C12orf60: variants seen among roughly 807,000 people sequenced by gnomAD.
The protein encoded by C12orf60 is chromosome 12 open reading frame 60.
For missense variants in C12orf60, 284 were observed against 283.2 expected (o/e 1.00, Z -0.02); for synonymous variants, 102 against 94.6 (o/e 1.08, Z -0.45).
intron 1 of C12orf60, chr12:14,804,757 A>G (rs1950022193): frequency 6.6e-6 from 1 of 152,244 alleles, no homozygotes; most frequent in Non-Finnish European, 1.5e-5. Flanking sequence ...CAAGAAGAGA[A>G]AGAGAAAACA....
At chr12:14,819,731 T>C (rs1950276126) in intron 1 of C12orf60, among the ~76,000 whole-genome samples, 1 of 152,132 alleles carries the variant, frequency 6.6e-6, no homozygotes, top group Middle Eastern at 3.2e-3. Context: ...TATTTAAAAA[T>C]GCCTTTTCTG....
chr12:14,804,637 ATAATCT>A (rs1235064306), intron 1 of C12orf60: 3 of 152,230 alleles, frequency 2.0e-5, no homozygotes, highest in Admixed American at 2.0e-4. Flanking sequence ...AAAAAAGAAA[ATAATCT>A]TGAACTGCGA....
chr12:14,811,421 T>G (rs1451661736), intron 1 of C12orf60, among the ~76,000 whole-genome samples: 2 of 152,110 alleles, frequency 1.3e-5, no homozygotes, highest in African/African-American at 4.8e-5. Context: ...GATGAGAGAG[T>G]TCTGTTGCTA....
chr12:14,815,167 G>T (rs1448203868), intron 1 of C12orf60, among the ~76,000 whole-genome samples: 1 of 152,148 alleles, frequency 6.6e-6, no homozygotes, highest in East Asian at 1.9e-4. Flanking sequence ...CAGACAGGCA[G>T]ACAGGAAACT....
chr12:14,819,895 G>A (rs568558909), intron 1 of C12orf60, among the ~76,000 whole-genome samples: 2 of 152,104 alleles, frequency 1.3e-5, no homozygotes, highest in Admixed American at 6.5e-5. Flanking sequence ...TATAAAATGA[G>A]TTGAGAGGTA....
chr12:14,819,785 T>G (rs1950277539), intron 1 of C12orf60, among the ~76,000 whole-genome samples: 1 of 152,138 alleles, frequency 6.6e-6, no homozygotes, highest in Non-Finnish European at 1.5e-5. Flanking sequence ...TTAGTTTGAT[T>G]TTTTAATGTT....
chr12:14,820,475 C>A (rs1380613590), intron 1 of C12orf60, among the ~76,000 whole-genome samples: 1 of 151,934 alleles, frequency 6.6e-6, no homozygotes, highest in Non-Finnish European at 1.5e-5. Context: ...AACACTTAAT[C>A]TACAGATTTC....
rs535075593 is a variant in C12orf60, at chr12:14,816,656, GACATTGTAATGACTA to G, written c.-24-6254_-24-6240del. On this transcript the variant is annotated intron_variant, in intron 1 of 1. Coordinates refer to ENST00000330828, the MANE Select transcript of C12orf60 (RefSeq NM_175874.4). ...AAATTGCTTTTCTAGCATTGTCAAT[GACATTGTAATGACTA>G]AACATAAGAAATAATTTACAGTGTT... Among the ~76,000 whole-genome samples the G allele has an allele frequency of 3.2e-3, 492 of 152,030 alleles. 4 individuals are homozygous for G. Among genetic ancestry groups the G allele is most frequent in the Non-Finnish European group, 4.9e-3 (330 of 67,986 alleles).
Position 14,823,711 on chromosome 12 carries a change from C to G in C12orf60, c.*38C>G, listed in dbSNP as rs1208805385. The stretch of plus-strand genomic sequence containing the variant: ...AATGTTCATTTCTGTCAGAAAACTA[C>G]TTAAAATCTTATGGTTTTTCATAGT... On this transcript the variant is annotated 3_prime_UTR_variant, in exon 2 of 2. Coordinates refer to ENST00000330828, the MANE Select transcript of C12orf60 (RefSeq NM_175874.4). 2.0e-6 allele frequency: 3 copies of G among 1,499,280 alleles called. No individual in the cohort carries two copies. The highest frequency in any genetic ancestry group is 1.9e-4 in the Middle Eastern group (1 of 5,216). The allele number at this position is 1,499,280 out of a possible 1,614,324, so 92.9% of individuals were successfully genotyped here.
intron 1 of C12orf60, among the ~76,000 whole-genome samples, chr12:14,822,029 G>A (rs1253853988): frequency 6.9e-6 from 1 of 145,622 alleles, no homozygotes; most frequent in African/African-American, 2.6e-5. Flanking sequence ...AGTAGGGGAT[G>A]GGGGTGGGTG....
intron 1 of C12orf60, among the ~76,000 whole-genome samples, 186 bp from the exon 2 acceptor site, chr12:14,822,726 A>T (rs1037842368): frequency 2.0e-5 from 3 of 152,076 alleles, no homozygotes; most frequent in African/African-American, 7.2e-5. Flanking sequence ...ACCCTATTCT[A>T]CCCTGTTTTA....
In C12orf60 at chr12:14,823,206, G is replaced by A; in HGVS notation, c.271G>A (p.Ala91Thr). The change falls in exon 2 of 2, where the codon GCA becomes ACA. Residue 91 changes from alanine (A) to threonine (T), a missense_variant. Coordinates refer to ENST00000330828, the MANE Select transcript of C12orf60 (RefSeq NM_175874.4). ...AAAGGAGTCTTTATGTTCCAAGGTT[G>A]CAATGGCCATGTGCTCTGTGGTTCA... ...IQKESLCSKVAMAMCSVVQKS... is the reference protein window; with the variant it reads ...IQKESLCSKVTMAMCSVVQKS... The A allele has an allele frequency of 1.2e-6, 2 of 1,614,154 alleles. No individual in the cohort carries two copies. Among genetic ancestry groups the A allele is most frequent in the Non-Finnish European group, 1.7e-6 (2 of 1,180,020 alleles).
intron 1 of C12orf60, among the ~76,000 whole-genome samples, chr12:14,818,105 A>T (rs983382770): frequency 4.6e-5 from 7 of 152,138 alleles, no homozygotes; most frequent in Middle Eastern, 6.8e-3. Flanking sequence ...TCTTTTTTAT[A>T]CATTTGTTGG....
intron 1 of C12orf60, chr12:14,806,434 C>A: frequency 6.2e-7 from 1 of 1,614,198 alleles, no homozygotes; most frequent in Non-Finnish European, 8.5e-7. Context: ...GCTTCATCAA[C>A]CTTCTGCAAT....
intron 1 of C12orf60, among the ~76,000 whole-genome samples, chr12:14,813,075 G>T (rs929724168): frequency 3.5e-4 from 53 of 152,252 alleles, no homozygotes; most frequent in African/African-American, 1.2e-3. Context: ...AAAAAGATTG[G>T]CCTTGTTTTG....
intron 1 of C12orf60, among the ~76,000 whole-genome samples, chr12:14,811,627 T>C (rs1950139653): frequency 6.6e-6 from 1 of 152,240 alleles, no homozygotes; most frequent in East Asian, 1.9e-4. Context: ...TTAAAGGGCA[T>C]CTAAGATATG....
chr12:14,821,990 T>G (rs1950312582), intron 1 of C12orf60, among the ~76,000 whole-genome samples: 1 of 110,458 alleles, frequency 9.1e-6, no homozygotes, highest in Non-Finnish European at 1.8e-5. Flanking sequence ...CTGCTGTACT[T>G]GTGAGGTGTG....
chr12:14,805,961 A>C, intron 1 of C12orf60: 1 of 1,537,290 alleles, frequency 6.5e-7, no homozygotes, highest in Non-Finnish European at 8.8e-7. Flanking sequence ...TGTTACTGAA[A>C]AGGAAGCAGA....
At chr12:14,806,755 T>A in intron 1 of C12orf60, 1 of 1,405,266 alleles carries the variant, frequency 7.1e-7, no homozygotes, top group Non-Finnish European at 9.7e-7. Flanking sequence ...GCTAACTGTG[T>A]AGAAGGGACT....
Sources: allele counts gnomAD v4.1 joint callset (sites outside exome capture counted in the v4.1 genomes callset), GRCh38; gene constraint gnomAD v4.1.1; transcripts MANE v1.5; gene names NCBI Gene and HGNC (gene_info 2026-07-23, HGNC 2026-07-21).